The following DNAH17 variants were observed in gnomAD, a reference collection of about 807,000 sequenced individuals.
DNAH17 encodes axonemal beta dynein heavy chain 17.
In DNAH17, 376 loss-of-function variants were observed where a neutral mutation model predicts 485.6. The ratio of observed to expected loss-of-function variants is 0.77; its 90% CI spans 0.71 to 0.84. The LOEUF is 0.84. DNAH17 is among the 40% of genes least tolerant of loss of function. DNAH17 has a pLI of 0.00. For missense variants in DNAH17, 6,370 were observed against 5,839.3 expected, an observed-to-expected ratio of 1.09 and a Z score of -2.96; for synonymous variants, 3,031 against 2,405.9, an observed-to-expected ratio of 1.26 and a Z score of -7.60.
At position 78,543,640 on chromosome 17, in the gene DNAH17, G is replaced by A. The variant is rs756082724; in HGVS notation, c.2532+217C>T. ...GGGTTTCACCACGTTGGTCAAGCTGGTCTCGATCTCCTGACATTAGGTGAT... is the reference window on the plus strand; with the variant it reads ...GGGTTTCACCACGTTGGTCAAGCTGATCTCGATCTCCTGACATTAGGTGAT... On this transcript the variant is annotated intron_variant, in intron 17 of 80. Transcript: ENST00000389840. The A allele has an allele frequency of 4.5e-6, 3 of 662,674 alleles. No homozygotes were observed. In the East Asian group the frequency reaches 8.6e-5, roughly 19 times the overall value. 41.0% of individuals were successfully genotyped at this position (662,674 alleles called of 1,614,324 possible).
intron 61 of DNAH17, 99 bp downstream of exon 61, chr17:78,458,902 C>T (rs544437183): frequency 7.6e-5 from 102 of 1,333,338 alleles, no homozygotes; most frequent in Admixed American, 1.3e-4. Context: ...TAATTCATGA[C>T]GGCGGGCCGT....
At chr17:78,468,033 AG>A (rs1202692516) in intron 55 of DNAH17, among the ~76,000 whole-genome samples, 575 of 43,454 alleles carry the variant, frequency 0.013, 2 homozygotes, top group Non-Finnish European at 0.029. Context: ...AAAAAAAAAA[AG>A]AGAGAGAGAG....
chr17:78,469,722 T>C (rs995714239), intron 54 of DNAH17, among the ~76,000 whole-genome samples: 1 of 152,192 alleles, frequency 6.6e-6, no homozygotes, highest in African/African-American at 2.4e-5. Context: ...ATCTGTGCAA[T>C]GGAATATGAT....
chr17:78,479,258 G>A (rs80091359), intron 50 of DNAH17, 142 bp from the exon 51 acceptor site: 34,484 of 1,017,462 alleles, frequency 0.034, 728 homozygotes, highest in Non-Finnish European at 0.042. Context: ...AAGTGGGAGG[G>A]AATTTGCTGT....
At chr17:78,544,137 C>T in intron 16 of DNAH17, 140 bp from the exon 17 acceptor site, 1 of 1,232,050 alleles carries the variant, frequency 8.1e-7, no homozygotes, top group Non-Finnish European at 1.1e-6. Context: ...ACGATCCATG[C>T]CCATCAGGGG....
chr17:78,425,221 A>C (rs536564800), intron 80 of DNAH17, 125 bp downstream of exon 80: 1 of 914,286 alleles, frequency 1.1e-6, no homozygotes, highest in South Asian at 1.6e-5. Context: ...CCCTGAGAGC[A>C]CCTCTCTCCT....
At position 78,443,344 on chromosome 17, in the gene DNAH17, C is replaced by T. The variant is rs368953364; in HGVS notation, c.11528+1260G>A. Among the ~76,000 whole-genome samples the T allele has an allele frequency of 9.8e-5, 15 of 152,302 alleles. 1 individual carries two copies. The highest frequency in any genetic ancestry group is 3.4e-3 in the Middle Eastern group (1 of 294). ...TTGGCCTTTCCCAAACCCTGACCCC[C>T]GCTTCCTCCAGCTCTGACCCTGGGA... On this transcript the variant is annotated intron_variant, in intron 71 of 80. Transcript: ENST00000389840.
At position 78,455,680 on chromosome 17, in the gene DNAH17, C is replaced by T; in HGVS notation, c.10134G>A (p.Met3378Ile). 1 of 1,570,602 alleles carries T rather than the reference C, an allele frequency of 6.4e-7. No individual in the cohort carries two copies. Among genetic ancestry groups the T allele is most frequent in the South Asian group, 1.2e-5 (1 of 85,324 alleles). The change falls in exon 63 of 81, where the codon ATG becomes ATA. Residue 3378 changes from methionine (M) to isoleucine (I), a missense_variant. By Grantham distance (10) the Met-to-Ile change is conservative (BLOSUM62 1). Coordinates refer to ENST00000389840, the MANE Select transcript of DNAH17 (RefSeq NM_173628.4). ...YFTKKYRNEL[M>I]EKFWIPYIHN... Reference sequence around the variant, plus strand: ...GTATGTAAGGGATCCAGAATTTCTCCATCAGCTCATTCCGGTATTTCTTGG... The same window carrying T: ...GTATGTAAGGGATCCAGAATTTCTCTATCAGCTCATTCCGGTATTTCTTGG...
At chr17:78,447,999 C>A (rs142291006) in intron 69 of DNAH17, among the ~76,000 whole-genome samples, 1,905 of 152,068 alleles carry the variant, frequency 0.013, 41 homozygotes, top group African/African-American at 0.04. Flanking sequence ...TGGAGAAACC[C>A]CGTCTCAACT....
chr17:78,434,915 GCA>G (rs973447966), intron 74 of DNAH17, among the ~76,000 whole-genome samples: 10 of 152,324 alleles, frequency 6.6e-5, no homozygotes, highest in African/African-American at 2.4e-4. Flanking sequence ...AGGGCTTCAG[GCA>G]CAGTGGCCGA....
rs1158891461 is a variant in DNAH17, at chr17:78,500,106, T to A, written c.5640+199A>T. 3 of 581,400 alleles carry A rather than the reference T, an allele frequency of 5.2e-6. No homozygotes were observed. The African/African-American group carries it at 5.7e-5, about 11-fold the overall frequency. The allele number at this position is 581,400 out of a possible 1,614,324, so 36.0% of individuals were successfully genotyped here. ...GGCAGGACATTTGGGGCTGCGTCTG[T>A]CCACCCTGGAAGTCTTTCCAGAGGG... is the stretch of plus-strand genomic sequence containing the variant. On this transcript the variant is annotated intron_variant, in intron 36 of 80. Coordinates refer to ENST00000389840, the MANE Select transcript of DNAH17 (RefSeq NM_173628.4).
At chr17:78,503,325 G>A (rs1165813699) in intron 31 of DNAH17, among the ~76,000 whole-genome samples, 9 of 143,856 alleles carry the variant, frequency 6.3e-5, no homozygotes, top group South Asian at 2.3e-4. Context: ...GACTACAGGC[G>A]CCCGCCCCCA....
At chr17:78,475,200 T>C in intron 54 of DNAH17, 78 bp downstream of exon 54, 4 of 1,509,558 alleles carry the variant, frequency 2.6e-6, no homozygotes, top group East Asian at 4.5e-5. Flanking sequence ...CTGGCTTCAT[T>C]TTGGAAAAGG....
In DNAH17 at chr17:78,424,124, T is replaced by C; in HGVS notation, c.13171A>G (p.Ile4391Val). 6.2e-7 allele frequency: 1 copy of C among 1,613,390 alleles called. No homozygotes were observed. Among genetic ancestry groups the C allele is most frequent in the South Asian group, 1.1e-5 (1 of 91,082 alleles). Residue 4391 changes from isoleucine (I) to valine (V), a missense_variant, in exon 81 of 81, where the codon ATC (isoleucine) becomes GTC (valine). Coordinates refer to ENST00000389840, the MANE Select transcript of DNAH17 (RefSeq NM_173628.4). The stretch of plus-strand genomic sequence containing the variant: ...AGCTCTTTCAGCCGCGCTTCAGCGA[T>C]GACTCCAGTCTGGGTGTCCCAGCGA... Reference protein sequence around the residue: ...GARWDTQTGVIAEARLKELTP... With the variant: ...GARWDTQTGVVAEARLKELTP...
At chr17:78,435,282 T>C (rs894611826) in intron 74 of DNAH17, among the ~76,000 whole-genome samples, 3 of 151,908 alleles carry the variant, frequency 2.0e-5, no homozygotes, top group Non-Finnish European at 4.4e-5. Flanking sequence ...TCCTCCAGAG[T>C]CCATCCGATC....
chr17:78,463,061 G>A lies in DNAH17; in HGVS notation c.8957C>T (p.Ser2986Phe), dbSNP rs2088220572. The change falls in exon 57 of 81, where the codon TCC (serine) becomes TTC (phenylalanine). Residue 2986 changes from serine to phenylalanine, a missense_variant. Transcript: ENST00000389840. ...CACGTAGGACATGAAGAAGCTGATG[G>A]AGGCCTTGACTTCCCACTACAAAGA... ...TEGIPWEVKA[S>F]ISFFMSYVHT... 5 of 1,613,880 alleles carry A rather than the reference G, an allele frequency of 3.1e-6. No individual in the cohort carries two copies. Among genetic ancestry groups the A allele is most frequent in the South Asian group, 1.1e-5 (1 of 91,066 alleles).
chr17:78,499,019 TCA>T lies in DNAH17; in HGVS notation c.5732_5733del (p.Val1911AspfsTer50). The T allele has an allele frequency of 6.2e-7, 1 of 1,608,906 alleles. No individual in the cohort carries two copies. ...FNRISVEVLS[V>X]IAVQVKCVQD... ...GCAGGGGACTTTACCTGCACGGCAA[TCA>T]CAGACAAGACTTCCACTGAGATGCG... is the stretch of plus-strand genomic sequence containing the variant. On this transcript the variant is annotated frameshift_variant, in exon 37 of 81. Coordinates refer to ENST00000389840, the MANE Select transcript of DNAH17 (RefSeq NM_173628.4). LOFTEE classifies it high-confidence loss of function.
chr17:78,535,313 G>A (rs546456919), intron 19 of DNAH17, among the ~76,000 whole-genome samples: 49 of 152,280 alleles, frequency 3.2e-4, no homozygotes, highest in Admixed American at 5.9e-4. Flanking sequence ...ACAGCTTGCT[G>A]CTTGCACTTG....
At position 78,466,654 on chromosome 17, in the gene DNAH17, C is replaced by A; in HGVS notation, c.8940+1G>T. On this transcript the variant is annotated splice_donor_variant, in intron 56 of 80. Transcript: ENST00000389840. LOFTEE classifies it high-confidence loss of function. ...AGGCAGAGGTGGCCTCAGTGACTCA[C>A]CGGAATCCCCTCAGTCTCCTCCAGG... 1.9e-6 allele frequency: 3 copies of A among 1,605,828 alleles called. No individual in the cohort carries two copies. Among genetic ancestry groups the A allele is most frequent in the Non-Finnish European group, 2.6e-6 (3 of 1,176,130 alleles).
Sources: allele counts gnomAD v4.1 joint callset (sites outside exome capture counted in the v4.1 genomes callset), GRCh38; gene constraint gnomAD v4.1.1; transcripts MANE v1.5; gene names NCBI Gene and HGNC (gene_info 2026-07-23, HGNC 2026-07-21).